The following KALRN variants were observed in gnomAD, a reference collection of about 807,000 sequenced individuals.
The protein encoded by KALRN is kalirin RhoGEF kinase.
A neutral mutation model predicts 353.7 loss-of-function variants in KALRN; 70 were observed. The observed-to-expected ratio is 0.20, with a 90% confidence interval of 0.16 to 0.24. The LOEUF is 0.24. Among genes scored for constraint, KALRN ranks in the 10% least tolerant of loss-of-function variants. The pLI is 1.00. For missense variants in KALRN, 2,791 were observed against 3,756.7 expected (o/e 0.74, Z 6.72); for synonymous variants, 1,391 against 1,434.8 (o/e 0.97, Z 0.69).
intron 13 of KALRN, among the ~76,000 whole-genome samples, chr3:124,405,960 A>G (rs2091494772): frequency 6.6e-6 from 1 of 152,200 alleles, no homozygotes; most frequent in African/African-American, 2.4e-5. Context: ...CTCAGTTTTA[A>G]TCATGATGAT....
At chr3:124,184,804 T>C (rs1387247674) in intron 1 of KALRN, among the ~76,000 whole-genome samples, 1 of 152,180 alleles carries the variant, frequency 6.6e-6, no homozygotes, top group African/African-American at 2.4e-5. Context: ...GGGCACCCAA[T>C]AAATGATTGT....
intron 1 of KALRN, among the ~76,000 whole-genome samples, chr3:124,224,467 A>G (rs748276020): frequency 7.9e-5 from 12 of 152,108 alleles, no homozygotes; most frequent in Non-Finnish European, 1.5e-4. Context: ...CCTGGGCTGC[A>G]TGAGGCCTGT....
At chr3:124,292,306 T>C (rs2076491396) in intron 5 of KALRN, among the ~76,000 whole-genome samples, 1 of 152,178 alleles carries the variant, frequency 6.6e-6, no homozygotes. Flanking sequence ...ACTAAACTGT[T>C]TCTATATTCA....
intron 53 of KALRN, 31 bp downstream of exon 53, chr3:124,694,534 C>T (rs2061965016): frequency 2.5e-6 from 4 of 1,600,220 alleles, no homozygotes; most frequent in Admixed American, 3.3e-5. Flanking sequence ...TCAGCAACAG[C>T]AGCCCCTTGC....
At chr3:124,504,738 C>T (rs2065019983) in intron 33 of KALRN, 1 of 412,292 alleles carries the variant, frequency 2.4e-6, no homozygotes, top group Non-Finnish European at 5.1e-6. Context: ...GAGAGCTTGG[C>T]AGTGAGCACT....
chr3:124,090,520 C>T (rs1054676192), intron 1 of KALRN, among the ~76,000 whole-genome samples: 2 of 152,216 alleles, frequency 1.3e-5, no homozygotes, highest in Non-Finnish European at 2.9e-5. Flanking sequence ...TCTCAGCCTC[C>T]TGGGTGGCAG....
chr3:124,052,680 G>T (rs2041155141), intron 1 of KALRN, among the ~76,000 whole-genome samples: 1 of 151,894 alleles, frequency 6.6e-6, no homozygotes, highest in South Asian at 2.1e-4. Flanking sequence ...GAGCTTTAGA[G>T]AACTTACATT....
At position 124,488,240 on chromosome 3, in the gene KALRN, C is replaced by T; in HGVS notation, c.4321C>T (p.Leu1441Phe). 6.2e-7 allele frequency: 1 copy of T among 1,613,712 alleles called. No homozygotes were observed. The highest frequency in any genetic ancestry group is 8.5e-7 in the Non-Finnish European group (1 of 1,179,782). ...TTGCTGTGAAGAAGGGAAAGGGGAGCTCAAGGATGGCCTGGAGGTGATGCT... is the reference window on the plus strand; with the variant it reads ...TTGCTGTGAAGAAGGGAAAGGGGAGTTCAAGGATGGCCTGGAGGTGATGCT... Reference protein sequence around the residue: ...LTCCEEGKGELKDGLEVMLSV... With the variant: ...LTCCEEGKGEFKDGLEVMLSV... The change falls in exon 29 of 60, where the codon CTC (leucine) becomes TTC (phenylalanine). Residue 1441 changes from leucine (L) to phenylalanine (F), a missense_variant. Around this residue, in one of 11 missense-constraint regions of KALRN, gnomAD observed 54 missense variants for 131.7 expected, o/e 0.41. Coordinates refer to ENST00000682506, the MANE Select transcript of KALRN (RefSeq NM_001388419.1).
intron 1 of KALRN, among the ~76,000 whole-genome samples, chr3:124,158,267 G>A (rs889877834): frequency 2.0e-5 from 3 of 152,174 alleles, no homozygotes; most frequent in Non-Finnish European, 4.4e-5. Flanking sequence ...GTGACTAGAA[G>A]GACCTAGATG....
intron 3 of KALRN, among the ~76,000 whole-genome samples, chr3:124,241,354 A>C (rs1442557546): frequency 6.6e-6 from 1 of 152,228 alleles, no homozygotes; most frequent in Non-Finnish European, 1.5e-5. Context: ...AACATGGATG[A>C]ATCTTTAAAC....
At chr3:124,102,817 C>T (rs139173285) in intron 1 of KALRN, among the ~76,000 whole-genome samples, 28 of 152,326 alleles carry the variant, frequency 1.8e-4, no homozygotes, top group Non-Finnish European at 3.4e-4. Flanking sequence ...TATCTGAACT[C>T]TCCAGGGAAC....
Position 124,398,833 on chromosome 3 carries a change from T to C in KALRN, c.2308T>C (p.Phe770Leu), listed in dbSNP as rs1306069095. 4 of 1,613,926 alleles carry C rather than the reference T, an allele frequency of 2.5e-6. No homozygotes were observed. The South Asian group carries it at 4.4e-5, about 18-fold the overall frequency. Residue 770 changes from phenylalanine to leucine, a missense_variant, in exon 13 of 60, where the codon TTC becomes CTC. Physicochemically the swap from Phe to Leu is conservative, Grantham distance 22. This residue lies in a region of KALRN where 452 missense variants were observed against 575.8 expected (regional missense o/e 0.78). Transcript: ENST00000682506. ...FHERKIKLDI[F>L]LQLRIFEQYT... Reference sequence around the variant, plus strand: ...CGAGCGGAAGATCAAGCTGGACATCTTCCTGCAACTGCGCATCTTTGAGCA... The same window carrying C: ...CGAGCGGAAGATCAAGCTGGACATCCTCCTGCAACTGCGCATCTTTGAGCA...
At chr3:124,149,570 G>A (rs1382895613) in intron 1 of KALRN, among the ~76,000 whole-genome samples, 1 of 152,192 alleles carries the variant, frequency 6.6e-6, no homozygotes, top group Non-Finnish European at 1.5e-5. Context: ...TGGTACAAAG[G>A]ACAGAGCACA....
At chr3:124,404,453 T>C (rs948871282) in intron 13 of KALRN, among the ~76,000 whole-genome samples, 10 of 152,096 alleles carry the variant, frequency 6.6e-5, no homozygotes, top group Admixed American at 1.3e-4. Flanking sequence ...TAGGCTTGGA[T>C]GTGTCCTCTT....
At chr3:124,116,523 C>T (rs2063475780) in intron 1 of KALRN, among the ~76,000 whole-genome samples, 1 of 152,150 alleles carries the variant, frequency 6.6e-6, no homozygotes, top group Non-Finnish European at 1.5e-5. Flanking sequence ...TCTAATCTAG[C>T]TTTTCTTATC....
At chr3:124,543,364 T>C (rs895525013) in intron 33 of KALRN, among the ~76,000 whole-genome samples, 1 of 151,340 alleles carries the variant, frequency 6.6e-6, no homozygotes, top group Non-Finnish European at 1.5e-5. Flanking sequence ...TGCGGTGGCG[T>C]GATCTCGGCT....
intron 34 of KALRN, among the ~76,000 whole-genome samples, chr3:124,603,406 T>C (rs1258768307): frequency 6.6e-6 from 1 of 152,176 alleles, no homozygotes; most frequent in Non-Finnish European, 1.5e-5. Flanking sequence ...CACTCCTGAA[T>C]CCTTCCTTAA....
chr3:124,608,829 T>C (rs1305390685), intron 34 of KALRN, among the ~76,000 whole-genome samples: 2 of 152,218 alleles, frequency 1.3e-5, no homozygotes, highest in African/African-American at 4.8e-5. Context: ...GCCAGCAAGA[T>C]TGGGTTTTAC....
At chr3:124,182,981 G>A (rs773154994) in intron 1 of KALRN, among the ~76,000 whole-genome samples, 2 of 152,160 alleles carry the variant, frequency 1.3e-5, no homozygotes, top group Admixed American at 6.5e-5. Context: ...TATATATAGG[G>A]TGTTGTGAAC....
Sources: allele counts gnomAD v4.1 joint callset (sites outside exome capture counted in the v4.1 genomes callset), GRCh38; gene constraint gnomAD v4.1.1; regional missense constraint gnomAD v4.1.1; transcripts MANE v1.5; gene names NCBI Gene and HGNC (gene_info 2026-07-23, HGNC 2026-07-21).